Variants in MAP3K15 observed in about 807,000 individuals in gnomAD.
MAP3K15 encodes the protein mitogen-activated protein kinase kinase kinase 15.
MAP3K15 carries 124 observed loss-of-function variants against 99.5 expected under a neutral mutation model. That is an observed-to-expected ratio of 1.25 (90% CI 1.08 to 1.45). The LOEUF (loss-of-function observed/expected upper bound fraction) is 1.45, where lower values mean the gene tolerates loss of function less well. Ranked by LOEUF, MAP3K15 falls within the 40% of genes most tolerant of loss-of-function variation. The probability of loss-of-function intolerance (pLI) is 0.00; values close to 1 mark genes in which losing one functional copy is unlikely to be tolerated. For synonymous variants in MAP3K15, 494 were observed against 439.6 expected, an observed-to-expected ratio of 1.12 and a Z score of -1.55; for missense variants, 1,242 against 1,079.7, an observed-to-expected ratio of 1.15 and a Z score of -2.11.
chrX:19,405,706 C>T (rs915363557), intron 13 of MAP3K15, among the ~76,000 whole-genome samples: 4 of 111,943 alleles, frequency 3.6e-5, no homozygotes, highest in South Asian at 3.7e-4. Flanking sequence ...CTTGTTTTTA[C>T]GAAATACACT....
intron 3 of MAP3K15, among the ~76,000 whole-genome samples, chrX:19,474,546 G>GT (rs1318127479): frequency 1.0e-5 from 1 of 97,206 alleles, no homozygotes; most frequent in Non-Finnish European, 2.1e-5. Flanking sequence ...TGGAGGTTGG[G>GT]GGGGGGGGTC....
chrX:19,429,034 T>C (rs2063857077), intron 7 of MAP3K15, among the ~76,000 whole-genome samples: 1 of 110,217 alleles, frequency 9.1e-6, no homozygotes, highest in African/African-American at 3.3e-5. Flanking sequence ...GCCCTCAGCA[T>C]AGAAAACAGG....
chrX:19,368,188 G>A (rs999845829), intron 25 of MAP3K15, among the ~76,000 whole-genome samples: 1 of 110,982 alleles, frequency 9.0e-6, no homozygotes, highest in African/African-American at 3.3e-5. Context: ...CATTGCCCAG[G>A]CTAGAGTGCA....
chrX:19,361,580 G>T lies in MAP3K15; in HGVS notation c.3693C>A (p.Asn1231Lys). The T allele has an allele frequency of 5.0e-6, 6 of 1,204,720 alleles. No individual in the cohort carries two copies. The highest frequency in any genetic ancestry group is 6.7e-6 in the Non-Finnish European group (6 of 889,645). ...LKLKSNCITE[N>K]PAGPYGQRTD... is the part of the protein sequence containing the mutation. ...TTCTCTGCCCGTAGGGGCCTGCTGG[G>T]TTCTCTGTAATACCTGTAACGATTG... Residue 1231 changes from asparagine (N) to lysine (K), a missense_variant, in exon 27 of 29, where the codon AAC (asparagine) becomes AAA (lysine). Coordinates refer to ENST00000338883, the MANE Select transcript of MAP3K15 (RefSeq NM_001001671.4).
chrX:19,485,308 C>CAAA lies in MAP3K15; in HGVS notation c.525+1171_525+1173dup, dbSNP rs368987947. Among the ~76,000 whole-genome samples, 10 of 7,938 alleles carry CAAA rather than the reference C, an allele frequency of 1.3e-3. 2 individuals are homozygous for CAAA. The highest frequency in any genetic ancestry group is 1.3e-3 in the Non-Finnish European group (6 of 4,695). 6.9% of individuals were successfully genotyped at this position (7,938 alleles called of 115,157 possible). On this transcript the variant is annotated intron_variant, in intron 3 of 28. Coordinates refer to ENST00000338883, the MANE Select transcript of MAP3K15 (RefSeq NM_001001671.4). ...TGGCTGACAGAGCGAGACTCTGTCT[C>CAAA]AAAAAAAAAAAAAAAAAAAAAAAAA...
chrX:19,388,082 G>A (rs749389434), intron 18 of MAP3K15, among the ~76,000 whole-genome samples: 1 of 112,867 alleles, frequency 8.9e-6, no homozygotes, highest in Admixed American at 9.3e-5. Context: ...CCTGACCACA[G>A]GTCGCTGCCT....
chrX:19,431,151 TG>T (rs1224041164), intron 7 of MAP3K15, among the ~76,000 whole-genome samples: 1 of 111,400 alleles, frequency 9.0e-6, no homozygotes, highest in African/African-American at 3.3e-5. Context: ...GCCCTGGTGG[TG>T]GTGGACAAGG....
chrX:19,380,856 T>C (rs1459541042), intron 18 of MAP3K15, among the ~76,000 whole-genome samples: 1 of 112,702 alleles, frequency 8.9e-6, no homozygotes, highest in Non-Finnish European at 1.9e-5. Flanking sequence ...GCATGCAACA[T>C]GCCTTCCTTT....
chrX:19,472,598 G>T (rs2064215771), intron 3 of MAP3K15, among the ~76,000 whole-genome samples: 1 of 110,916 alleles, frequency 9.0e-6, no homozygotes, highest in Non-Finnish European at 1.9e-5. Context: ...TATCAGAAAT[G>T]GTAAATAAAA....
intron 6 of MAP3K15, among the ~76,000 whole-genome samples, chrX:19,445,465 C>T (rs1158197349): frequency 9.4e-6 from 1 of 106,840 alleles, no homozygotes; most frequent in African/African-American, 3.4e-5. Context: ...TGACGGACGT[C>T]TGTAATTTCA....
intron 9 of MAP3K15, among the ~76,000 whole-genome samples, chrX:19,415,672 C>T (rs767690027): frequency 2.3e-3 from 253 of 109,052 alleles, no homozygotes; most frequent in African/African-American, 8.1e-3. Flanking sequence ...TGGAGACGTG[C>T]GACAATTTGA....
chrX:19,448,677 C>T (rs1383668301), intron 6 of MAP3K15, among the ~76,000 whole-genome samples: 2 of 109,137 alleles, frequency 1.8e-5, no homozygotes, highest in East Asian at 2.8e-4. Flanking sequence ...AAGTCCTTTA[C>T]GCATTGTATT....
intron 14 of MAP3K15, among the ~76,000 whole-genome samples, chrX:19,399,777 A>G (rs1420678205): frequency 1.1e-4 from 12 of 105,924 alleles, no homozygotes; most frequent in African/African-American, 4.1e-4. Context: ...CATGGTTAGT[A>G]AAGGATCTCC....
chrX:19,412,999 A>C (rs907108045), intron 11 of MAP3K15, among the ~76,000 whole-genome samples: 1 of 110,088 alleles, frequency 9.1e-6, no homozygotes, highest in Non-Finnish European at 1.9e-5. Context: ...CTTGGCCTCC[A>C]AAAGTGTTGG....
In MAP3K15 at chrX:19,415,232, A is replaced by T; in HGVS notation, c.1465T>A (p.Leu489Met). The T allele has an allele frequency of 8.5e-7, 1 of 1,178,477 alleles. No homozygotes were observed. Among genetic ancestry groups the T allele is most frequent in the Non-Finnish European group, 1.1e-6 (1 of 884,473 alleles). The change falls in exon 10 of 29, where the codon TTG (leucine) becomes ATG (methionine). Residue 489 changes from leucine (L) to methionine (M), a missense_variant. Transcript: ENST00000338883. Reference sequence around the variant, plus strand: ...TTCTTGAAGCGCCGAATTAGTAACAAGTTCTGAACTAATGATCGCAGGTAC... The same window carrying T: ...TTCTTGAAGCGCCGAATTAGTAACATGTTCTGAACTAATGATCGCAGGTAC... Reference protein sequence around the residue: ...VWYLRSLVQNLLLIRRFKKTI... With the variant: ...VWYLRSLVQNMLLIRRFKKTI...
chrX:19,435,759 T>C (rs954320370), intron 6 of MAP3K15, among the ~76,000 whole-genome samples: 14 of 112,294 alleles, frequency 1.2e-4, no homozygotes, highest in African/African-American at 4.5e-4. Context: ...AAAACTCCTA[T>C]GTTGAATCAG....
At chrX:19,435,865 C>A (rs1264820420) in intron 6 of MAP3K15, among the ~76,000 whole-genome samples, 2 of 112,334 alleles carry the variant, frequency 1.8e-5, no homozygotes, top group African/African-American at 6.5e-5. Flanking sequence ...ATTAGAATCA[C>A]CTGGGAGGCT....
At chrX:19,514,127 TAA>T (rs2064539592) in intron 1 of MAP3K15, among the ~76,000 whole-genome samples, 1 of 110,505 alleles carries the variant, frequency 9.0e-6, no homozygotes, top group African/African-American at 3.3e-5. Context: ...CACACACACG[TAA>T]GACACCGATT....
At chrX:19,446,169 T>A (rs1264540831) in intron 6 of MAP3K15, among the ~76,000 whole-genome samples, 1 of 111,659 alleles carries the variant, frequency 9.0e-6, no homozygotes, top group Admixed American at 9.6e-5. Context: ...TATAACGTGT[T>A]ACTAGGAAGC....
Sources: allele counts gnomAD v4.1 joint callset (sites outside exome capture counted in the v4.1 genomes callset), GRCh38; gene constraint gnomAD v4.1.1; transcripts MANE v1.5; gene names NCBI Gene and HGNC (gene_info 2026-07-23, HGNC 2026-07-21).